Variants in OR8K3 observed in about 807,000 individuals in gnomAD.
OR8K3 encodes olfactory receptor family 8 subfamily K member 3 (gene/pseudogene), also known as olfactory receptor 8K3.
For missense variants in OR8K3, 448 were observed against 367.4 expected (o/e 1.22, Z -1.79); for synonymous variants, 167 against 138.8 (o/e 1.20, Z -1.43).
Position 56,319,267 on chromosome 11 carries a change from A to G in OR8K3, c.*22A>G. The G allele has an allele frequency of 7.2e-7, 1 of 1,392,258 alleles. No homozygotes were observed. 86.2% of individuals were successfully genotyped at this position (1,392,258 alleles called of 1,614,324 possible). A position where few individuals can be genotyped will look rare whatever the true frequency, so the allele number is the denominator to read the frequency against. ...TTAAATTTTGTACAATATGATTCCT[A>G]TAAATTAGGTTATGGGCATGAATTT... On this transcript the variant is annotated 3_prime_UTR_variant, in exon 3 of 3. Transcript: ENST00000641662.
rs1438609959 is a variant in OR8K3 at position 56,320,132 on chromosome 11, C to T, written c.*887C>T. 1 of 152,138 alleles carries T rather than the reference C, an allele frequency of 6.6e-6. No homozygotes were observed. Among genetic ancestry groups the T allele is most frequent in the Non-Finnish European group, 1.5e-5 (1 of 68,012 alleles). The allele number at this position is 152,138 out of a possible 1,614,324, so 9.4% of individuals were successfully genotyped here. A position where few individuals can be genotyped will look rare whatever the true frequency, so the allele number is the denominator to read the frequency against. ...GTTTTTACATCTTTGAGGAGGGGGA[C>T]CATTCTATGATGAATTAACTTTGTA... is the stretch of plus-strand genomic sequence containing the variant. On this transcript the variant is annotated 3_prime_UTR_variant, in exon 3 of 3. Transcript: ENST00000641662.
chr11:56,318,731 A>C lies in OR8K3; in HGVS notation c.425A>C (p.Gln142Pro), dbSNP rs1181757644. Reference protein sequence around the residue: ...YTVIMSRRVCQVLVAIPYLYC... With the variant: ...YTVIMSRRVCPVLVAIPYLYC... The stretch of plus-strand genomic sequence containing the variant: ...GTAATCATGTCACGAAGGGTATGTC[A>C]GGTGCTGGTAGCAATCCCTTACCTC... The change falls in exon 3 of 3, where the codon CAG becomes CCG. Residue 142 changes from glutamine to proline, a missense_variant. Transcript: ENST00000641662. 6.2e-7 allele frequency: 1 copy of C among 1,613,958 alleles called. No homozygotes were observed. Among genetic ancestry groups the C allele is most frequent in the South Asian group, 1.1e-5 (1 of 91,074 alleles).
chr11:56,315,168 G>GT lies in OR8K3; in HGVS notation c.-82+2dup, dbSNP rs1219239235. 1 of 138,676 alleles carries GT rather than the reference G, an allele frequency of 7.2e-6. No individual in the cohort carries two copies. The highest frequency in any genetic ancestry group is 3.0e-5 in the African/African-American group (1 of 33,008). 8.6% of individuals were successfully genotyped at this position (138,676 alleles called of 1,614,324 possible). A position where few individuals can be genotyped will look rare whatever the true frequency, so the allele number is the denominator to read the frequency against. On this transcript the variant is annotated splice_donor_variant, in intron 1 of 2. Transcript: ENST00000641662. LOFTEE classifies it low-confidence loss of function (5UTR_SPLICE). ...AGTCAAGACAGAGGCTTCCTTACAG[G>GT]TAAAAAAAAAAAAAGTAAGAATGTT... is the stretch of plus-strand genomic sequence containing the variant.
At chr11:56,318,220 A>C (rs1290582700) in intron 2 of OR8K3, 64 bp from the exon 3 acceptor site, 1 of 821,692 alleles carries the variant, frequency 1.2e-6, no homozygotes, top group African/African-American at 1.7e-5. Context: ...TTAGCTTTGC[A>C]TACTAAAAAA....
In OR8K3 at chr11:56,318,428, G is replaced by A. The variant is rs2134868067; in HGVS notation, c.122G>A (p.Gly41Asp). The A allele has an allele frequency of 2.5e-6, 4 of 1,613,876 alleles. No homozygotes were observed. The highest frequency in any genetic ancestry group is 3.4e-6 in the Non-Finnish European group (4 of 1,179,856). ...FLMIYVISVM[G>D]NLGMIVLTKL... ...ATGATCTATGTGATCTCAGTGATGG[G>A]CAATTTGGGCATGATTGTCCTCACC... Residue 41 changes from glycine (G) to aspartate (D), a missense_variant, in exon 3 of 3, where the codon GGC becomes GAC. Physicochemically the swap from Gly to Asp is moderately conservative, Grantham distance 94 (BLOSUM62 -1). Coordinates refer to ENST00000641662, the MANE Select transcript of OR8K3 (RefSeq NM_001005202.2).
Position 56,318,914 on chromosome 11 carries a change from C to T in OR8K3, c.608C>T (p.Ala203Val), listed in dbSNP as rs767086045. 6.2e-7 allele frequency: 1 copy of T among 1,613,848 alleles called. No individual in the cohort carries two copies. The highest frequency in any genetic ancestry group is 2.2e-5 in the East Asian group (1 of 44,884). The change falls in exon 3 of 3, where the codon GCA (alanine) becomes GTA (valine). Residue 203 changes from alanine (A) to valine (V), a missense_variant. Transcript: ENST00000641662. ...ATTGAATTGATAATTCTGATCTTTG[C>T]AGCTATTGATTTGATTTCATCTCTT... ...HEIELIILIF[A>V]AIDLISSLLI...
intron 2 of OR8K3, among the ~76,000 whole-genome samples, chr11:56,317,039 A>G (rs999484130): frequency 4.6e-5 from 7 of 151,982 alleles, no homozygotes; most frequent in African/African-American, 1.7e-4. Flanking sequence ...GAATTGGGGG[A>G]GGGGAGAAGA....
At chr11:56,316,742 G>T (rs1194091254) in intron 2 of OR8K3, among the ~76,000 whole-genome samples, 1 of 151,818 alleles carries the variant, frequency 6.6e-6, no homozygotes, top group Non-Finnish European at 1.5e-5. Context: ...TACCCAAAAA[G>T]TAGCTTTTAC....
chr11:56,317,735 C>T (rs1308756406), intron 2 of OR8K3, among the ~76,000 whole-genome samples: 3 of 152,012 alleles, frequency 2.0e-5, no homozygotes, highest in South Asian at 2.1e-4. Context: ...CAGATATCCA[C>T]GGTATTAACA....
rs17150317 is a variant in OR8K3, at chr11:56,319,131, A to G, written c.825A>G (p.Ile275Met). Residue 275 changes from isoleucine to methionine, a missense_variant, in exon 3 of 3, where the codon ATA (isoleucine) becomes ATG (methionine). Coordinates refer to ENST00000641662, the MANE Select transcript of OR8K3 (RefSeq NM_001005202.2). ...HSFDTDKVAS[I>M]FYTLVIPMLN... ...TTGACACTGATAAAGTGGCTTCCAT[A>G]TTTTACACCCTGGTTATCCCCATGT... 9.2e-4 allele frequency: 1,479 copies of G among 1,613,866 alleles called. 16 individuals carry two copies. The African/African-American group carries it at 0.018, about 19-fold the overall frequency.
In OR8K3 at chr11:56,318,394, T is replaced by C. The variant is rs1391036410; in HGVS notation, c.88T>C (p.Leu30=). Residue 30 remains leucine, a synonymous_variant, in exon 3 of 3, where the codon TTG becomes CTG. Coordinates refer to ENST00000641662, the MANE Select transcript of OR8K3 (RefSeq NM_001005202.2). ...IAELQAPLFA[L]FLMIYVISVM... is the part of the protein sequence containing the mutation. ...TGAGCTGCAGGCACCATTATTTGCA[T>C]TGTTCCTCATGATCTATGTGATCTC... is the stretch of plus-strand genomic sequence containing the variant. 1 of 1,613,696 alleles carries C rather than the reference T, an allele frequency of 6.2e-7. No homozygotes were observed. The highest frequency in any genetic ancestry group is 1.3e-5 in the African/African-American group (1 of 74,894).
At chr11:56,315,572 G>A (rs1269255513) in intron 1 of OR8K3, among the ~76,000 whole-genome samples, 1 of 152,098 alleles carries the variant, frequency 6.6e-6, no homozygotes, top group Non-Finnish European at 1.5e-5. Context: ...GGTCAGTCAT[G>A]TTCATGTCCT....
chr11:56,315,348 C>A (rs899449866), intron 1 of OR8K3, among the ~76,000 whole-genome samples, 181 bp downstream of exon 1: 1 of 152,072 alleles, frequency 6.6e-6, no homozygotes, highest in Non-Finnish European at 1.5e-5. Context: ...GCAGAAATAA[C>A]GGTGCTCCAT....
chr11:56,316,927 A>AACATTT (rs1253135312), intron 2 of OR8K3, among the ~76,000 whole-genome samples: 10 of 152,118 alleles, frequency 6.6e-5, no homozygotes, highest in African/African-American at 2.4e-4. Flanking sequence ...GTTTTAATAA[A>AACATTT]GTTTATATAA....
At position 56,318,822 on chromosome 11, in the gene OR8K3, C is replaced by T. The variant is rs199617483; in HGVS notation, c.516C>T (p.Asn172=). The T allele has an allele frequency of 1.9e-6, 3 of 1,613,900 alleles. No homozygotes were observed. Among genetic ancestry groups the T allele is most frequent in the African/African-American group, 2.7e-5 (2 of 74,910 alleles). The part of the protein sequence containing the change: ...KIFTLSFCGY[N]VISHFYCDSL... ...TTACTTTATCCTTCTGTGGCTACAACGTCATTAGTCATTTCTACTGTGACA... is the reference window on the plus strand; with the variant it reads ...TTACTTTATCCTTCTGTGGCTACAATGTCATTAGTCATTTCTACTGTGACA... Residue 172 remains asparagine, a synonymous_variant, in exon 3 of 3, where the codon AAC becomes AAT. Coordinates refer to ENST00000641662, the MANE Select transcript of OR8K3 (RefSeq NM_001005202.2).
Position 56,319,383 on chromosome 11 carries a change from C to T in OR8K3, c.*138C>T. ...CATACATGATAGGCTCTTCTAATTG[C>T]TATACATAGATTAATAAACAAAATA... is the stretch of plus-strand genomic sequence containing the variant. On this transcript the variant is annotated 3_prime_UTR_variant, in exon 3 of 3. Coordinates refer to ENST00000641662, the MANE Select transcript of OR8K3 (RefSeq NM_001005202.2). 1.7e-6 allele frequency: 1 copy of T among 598,936 alleles called. No individual in the cohort carries two copies. Among genetic ancestry groups the T allele is most frequent in the Non-Finnish European group, 3.0e-6 (1 of 338,870 alleles). The allele number at this position is 598,936 out of a possible 1,614,324, so 37.1% of individuals were successfully genotyped here.
rs769425000 is a variant in OR8K3 at position 56,319,184 on chromosome 11, A to T, written c.878A>T (p.Asn293Ile). 1.6e-5 allele frequency: 26 copies of T among 1,613,160 alleles called. No individual in the cohort carries two copies. The highest frequency in any genetic ancestry group is 2.0e-5 in the Non-Finnish European group (24 of 1,179,234). ...AATCCCTTGATCTATAGTTTACGAA[A>T]CAAAGATGTAAAATATGCCCTACGA... is the stretch of plus-strand genomic sequence containing the variant. ...MLNPLIYSLR[N>I]KDVKYALRRT... Residue 293 changes from asparagine to isoleucine, a missense_variant, in exon 3 of 3, where the codon AAC becomes ATC. Physicochemically the swap from Asn to Ile is moderately radical, Grantham distance 149. Coordinates refer to ENST00000641662, the MANE Select transcript of OR8K3 (RefSeq NM_001005202.2).
intron 1 of OR8K3, among the ~76,000 whole-genome samples, chr11:56,315,511 CAAG>C (rs1429012014): frequency 2.0e-5 from 3 of 151,952 alleles, no homozygotes; most frequent in African/African-American, 7.2e-5. Context: ...AGCACAATGA[CAAG>C]GAGATAAATA....
At chr11:56,315,489 T>TG (rs1374962604) in intron 1 of OR8K3, among the ~76,000 whole-genome samples, 2 of 152,104 alleles carry the variant, frequency 1.3e-5, no homozygotes, top group African/African-American at 4.8e-5. Context: ...GGCCAAAACT[T>TG]GGAGAAAATA....
Sources: gnomAD v4.1 joint callset for allele counts (sites outside exome capture counted in the v4.1 genomes callset) on GRCh38, gnomAD v4.1.1 for gene constraint, MANE v1.5 for transcripts, NCBI Gene and HGNC (gene_info 2026-07-23, HGNC 2026-07-21) for gene names.